MTFR1: variants seen among roughly 807,000 people sequenced by gnomAD.
The protein encoded by MTFR1 is mitochondrial fission regulator 1.
In MTFR1, 28 loss-of-function variants were observed where a neutral mutation model predicts 38.8. The ratio of observed to expected loss-of-function variants is 0.72; its 90% CI spans 0.53 to 0.99. The LOEUF is 0.99. MTFR1 is among the 50% of genes least tolerant of loss of function. MTFR1 has a pLI of 0.00. For synonymous variants in MTFR1, 145 were observed against 137.0 expected (o/e 1.06, Z -0.41); for missense variants, 358 against 395.5 (o/e 0.91, Z 0.81).
At chr8:65,729,961 G>A (rs1488747169) in intron 3 of MTFR1, among the ~76,000 whole-genome samples, 6 of 151,898 alleles carry the variant, frequency 4.0e-5, no homozygotes, top group South Asian at 2.1e-4. Flanking sequence ...AGGACAAGGC[G>A]GTCCTCGCAG....
chr8:65,684,688 A>T (rs1307877969), intron 3 of MTFR1, among the ~76,000 whole-genome samples: 1 of 151,502 alleles, frequency 6.6e-6, no homozygotes, highest in Non-Finnish European at 1.5e-5. Context: ...CCTGGCCCAT[A>T]CTGAGTCTTT....
At chr8:65,749,893 C>T (rs1456844611) in intron 3 of MTFR1, among the ~76,000 whole-genome samples, 1 of 152,154 alleles carries the variant, frequency 6.6e-6, no homozygotes, top group Non-Finnish European at 1.5e-5. Flanking sequence ...GTCTTTATTT[C>T]AGATGAAGAT....
Position 65,703,816 on chromosome 8 carries a change from T to G in MTFR1, c.282-878T>G, listed in dbSNP as rs148572519. Among the ~76,000 whole-genome samples, 28 of 152,328 alleles carry G rather than the reference T, an allele frequency of 1.8e-4. No individual in the cohort carries two copies. In the East Asian group the frequency reaches 5.4e-3, roughly 29 times the overall value. On this transcript the variant is annotated intron_variant, in intron 4 of 7. Coordinates refer to ENST00000262146, the MANE Select transcript of MTFR1 (RefSeq NM_014637.4). ...CAAAAATTCTTGCAAGAGTCTATCC[T>G]TATTTTGGATTTATTCTGTCTTTGT...
intron 3 of MTFR1, among the ~76,000 whole-genome samples, chr8:65,729,364 C>CTT (rs10540107): frequency 0.028 from 2,254 of 79,852 alleles, 7 homozygotes; most frequent in Non-Finnish European, 0.04. Flanking sequence ...TTGGTGGTAG[C>CTT]TTTTTTTTTT....
rs554503198 is a variant in MTFR1, at chr8:65,768,371, A to G, written c.*49-2576A>G. On this transcript the variant is annotated intron_variant, in intron 3 of 3. Transcript: ENST00000521247. The stretch of plus-strand genomic sequence containing the variant: ...TTGTGGGAGGGACCTGGTAGGAGGT[A>G]GTTGAATCATGGGGGTGCTAATTCT... Among the ~76,000 whole-genome samples, 5 of 152,266 alleles carry G rather than the reference A, an allele frequency of 3.3e-5. No homozygotes were observed. In the South Asian group the frequency reaches 1.0e-3, roughly 32 times the overall value.
chr8:65,694,747 G>A (rs2129056552), intron 4 of MTFR1, among the ~76,000 whole-genome samples: 1 of 152,326 alleles, frequency 6.6e-6, no homozygotes. Context: ...GTCACTGCAG[G>A]ATGAGAGATG....
downstream of MTFR1, among the ~76,000 whole-genome samples, chr8:65,715,328 G>A (rs567768996): frequency 6.6e-6 from 1 of 151,584 alleles, no homozygotes; most frequent in Admixed American, 6.6e-5. Flanking sequence ...TTGAGCCCAA[G>A]AGTTCAAGAC....
At chr8:65,650,770 G>GCTT (rs1292273356) in intron 1 of MTFR1, among the ~76,000 whole-genome samples, 3 of 152,142 alleles carry the variant, frequency 2.0e-5, no homozygotes, top group Non-Finnish European at 4.4e-5. Flanking sequence ...ACATGGCACG[G>GCTT]CAGATATTGC....
intron 2 of MTFR1, among the ~76,000 whole-genome samples, chr8:65,679,868 G>A (rs16932294): frequency 6.6e-6 from 1 of 151,960 alleles, no homozygotes; most frequent in African/African-American, 2.4e-5. Context: ...AAGCTTCAGA[G>A]TAACTTTGCT....
At position 65,709,090 on chromosome 8, in the gene MTFR1, T is replaced by C; in HGVS notation, c.*46T>C. On this transcript the variant is annotated 3_prime_UTR_variant, in exon 8 of 8. Transcript: ENST00000262146. ...GACTCCTGGTTCCCCTGTTGATTTG[T>C]GAGGGCCAAGTTTGCTAGTAGAAAT... 1 of 1,571,494 alleles carries C rather than the reference T, an allele frequency of 6.4e-7. No individual in the cohort carries two copies. Among genetic ancestry groups the C allele is most frequent in the Admixed American group, 1.7e-5 (1 of 59,868 alleles).
At chr8:65,757,422 C>A (rs982119294) in intron 3 of MTFR1, among the ~76,000 whole-genome samples, 10 of 152,128 alleles carry the variant, frequency 6.6e-5, no homozygotes, top group African/African-American at 2.4e-4. Context: ...AATAACTAGT[C>A]CAGTCCATCA....
chr8:65,737,707 C>A (rs947455437), intron 3 of MTFR1, among the ~76,000 whole-genome samples: 1 of 152,018 alleles, frequency 6.6e-6, no homozygotes, highest in South Asian at 2.1e-4. Context: ...TTAGTAGAGA[C>A]GGGGTTTCAC....
At chr8:65,673,931 T>C (rs1804637708) in intron 2 of MTFR1, among the ~76,000 whole-genome samples, 2 of 152,110 alleles carry the variant, frequency 1.3e-5, no homozygotes, top group African/African-American at 2.4e-5. Context: ...ATGCATAAGT[T>C]TGAAATATTG....
chr8:65,649,248 G>C (rs1809051687), intron 1 of MTFR1, among the ~76,000 whole-genome samples: 2 of 151,722 alleles, frequency 1.3e-5, no homozygotes, highest in South Asian at 4.2e-4. Flanking sequence ...TGGCACACAC[G>C]ATCTCGGCTC....
At chr8:65,744,703 A>C (rs1217191403) in intron 3 of MTFR1, among the ~76,000 whole-genome samples, 1 of 152,252 alleles carries the variant, frequency 6.6e-6, no homozygotes, top group African/African-American at 2.4e-5. Flanking sequence ...CACAATCTAA[A>C]AGAAACCAAA....
At chr8:65,717,376 A>G (rs1268899339) in intron 2 of MTFR1, 1 of 152,224 alleles carries the variant, frequency 6.6e-6, no homozygotes. Context: ...CCAATGATTG[A>G]TAGAAATAAA....
chr8:65,773,976 T>A (rs1296122003), downstream of MTFR1, among the ~76,000 whole-genome samples: 1 of 152,214 alleles, frequency 6.6e-6, no homozygotes, highest in East Asian at 1.9e-4. Flanking sequence ...TTTTACTGAT[T>A]TCCTTACCCA....
downstream of MTFR1, among the ~76,000 whole-genome samples, chr8:65,771,603 C>T (rs1809086680): frequency 6.6e-6 from 1 of 151,988 alleles, no homozygotes; most frequent in African/African-American, 2.4e-5. Context: ...GTGGCTCACG[C>T]GGTGGCTCAC....
chr8:65,679,839 G>A (rs2030111101), intron 2 of MTFR1, among the ~76,000 whole-genome samples: 1 of 152,126 alleles, frequency 6.6e-6, no homozygotes, highest in South Asian at 2.1e-4. Context: ...GATTATTGAT[G>A]TGAATGATGT....
Sources: gnomAD v4.1 joint callset for allele counts (sites outside exome capture counted in the v4.1 genomes callset) on GRCh38, gnomAD v4.1.1 for gene constraint, MANE v1.5 for transcripts, NCBI Gene and HGNC (gene_info 2026-07-23, HGNC 2026-07-21) for gene names.